The following C8orf34 variants were observed in gnomAD, a reference collection of about 807,000 sequenced individuals.
C8orf34 encodes the protein chromosome 8 open reading frame 34.
C8orf34 carries 65 observed loss-of-function variants against 68.3 expected under a neutral mutation model. The ratio of observed to expected loss-of-function variants is 0.95; its 90% CI spans 0.78 to 1.17. C8orf34 has a LOEUF of 1.17. Among genes scored for constraint, C8orf34 ranks in the 50% most tolerant of loss-of-function variants. The pLI is 0.00. For synonymous variants in C8orf34, 244 were observed against 241.2 expected (o/e 1.01, Z -0.11); for missense variants, 664 against 655.4 (o/e 1.01, Z -0.14).
intron 7 of C8orf34, among the ~76,000 whole-genome samples, chr8:68,539,713 G>A (rs1815627982): frequency 6.6e-6 from 1 of 151,986 alleles, no homozygotes; most frequent in Non-Finnish European, 1.5e-5. Flanking sequence ...AATTAGCCAG[G>A]CATGGTGGCA....
At chr8:68,602,683 C>G (rs771595995) in intron 7 of C8orf34, among the ~76,000 whole-genome samples, 30 of 152,092 alleles carry the variant, frequency 2.0e-4, no homozygotes, top group Non-Finnish European at 4.1e-4. Flanking sequence ...AGCCTTGTCT[C>G]ACACCACCTT....
chr8:68,800,291 T>C (rs1402218701), intron 12 of C8orf34, among the ~76,000 whole-genome samples: 1 of 152,184 alleles, frequency 6.6e-6, no homozygotes, highest in Non-Finnish European at 1.5e-5. Flanking sequence ...AAACTACCTC[T>C]GCACTAGTCC....
chr8:68,764,758 AATAG>A (rs1823121298), intron 10 of C8orf34, among the ~76,000 whole-genome samples: 1 of 152,186 alleles, frequency 6.6e-6, no homozygotes, highest in Non-Finnish European at 1.5e-5. Flanking sequence ...GATGGAGATG[AATAG>A]ATAGTCGGGA....
intron 5 of C8orf34, among the ~76,000 whole-genome samples, chr8:68,505,524 G>A (rs1490907977): frequency 2.1e-5 from 2 of 96,180 alleles, no homozygotes; most frequent in Non-Finnish European, 3.7e-5. Context: ...GAGGTCAGGA[G>A]ATCGAGACCA....
At chr8:68,650,181 T>C (rs985598466) in intron 8 of C8orf34, among the ~76,000 whole-genome samples, 1 of 152,084 alleles carries the variant, frequency 6.6e-6, no homozygotes, top group African/African-American at 2.4e-5. Flanking sequence ...TGAAGCAGCA[T>C]CGTTTGTCTG....
chr8:68,375,753 T>C (rs2129619947), intron 1 of C8orf34, among the ~76,000 whole-genome samples: 1 of 152,340 alleles, frequency 6.6e-6, no homozygotes, highest in Admixed American at 6.5e-5. Context: ...ACTCTAGCAA[T>C]TAGTCAGCAT....
chr8:68,349,596 A>G (rs1245431697), intron 1 of C8orf34, among the ~76,000 whole-genome samples: 2 of 151,854 alleles, frequency 1.3e-5, no homozygotes, highest in Non-Finnish European at 2.9e-5. Flanking sequence ...TTGTGTTTCT[A>G]TCAGGGTCCA....
At chr8:68,808,568 T>TAA (rs981191452) in intron 12 of C8orf34, among the ~76,000 whole-genome samples, 7 of 150,826 alleles carry the variant, frequency 4.6e-5, no homozygotes, top group African/African-American at 1.7e-4. Context: ...TATATATATA[T>TAA]AAAGAAATAA....
At chr8:68,554,486 T>G (rs1300412059) in intron 7 of C8orf34, among the ~76,000 whole-genome samples, 1 of 152,142 alleles carries the variant, frequency 6.6e-6, no homozygotes, top group African/African-American at 2.4e-5. Flanking sequence ...TAAATGACTT[T>G]TTTGTATATG....
chr8:68,637,720 T>C (rs143727778), intron 7 of C8orf34, among the ~76,000 whole-genome samples: 60 of 152,280 alleles, frequency 3.9e-4, no homozygotes, highest in Non-Finnish European at 6.3e-4. Context: ...TAGATTATAA[T>C]AATAGGGTTT....
At chr8:68,442,809 T>C (rs1442478884) in intron 2 of C8orf34, among the ~76,000 whole-genome samples, 2 of 152,190 alleles carry the variant, frequency 1.3e-5, no homozygotes, top group Admixed American at 6.5e-5. Context: ...AATGCATGGT[T>C]TGTCTAAGAA....
intron 7 of C8orf34, among the ~76,000 whole-genome samples, chr8:68,583,972 GTC>G (rs1817137119): frequency 6.6e-6 from 1 of 151,938 alleles, no homozygotes; most frequent in Admixed American, 6.6e-5. Context: ...TTTCAAAAAA[GTC>G]TGGTTATATC....
intron 8 of C8orf34, among the ~76,000 whole-genome samples, chr8:68,684,932 A>G (rs1055125070): frequency 2.0e-5 from 3 of 152,096 alleles, no homozygotes; most frequent in Admixed American, 1.3e-4. Flanking sequence ...ATAAGTGATA[A>G]GAATTTAGAA....
intron 4 of C8orf34, among the ~76,000 whole-genome samples, chr8:68,485,540 C>T (rs537895778): frequency 1.3e-5 from 2 of 151,704 alleles, no homozygotes; most frequent in South Asian, 4.2e-4. Context: ...GGTGAAACCC[C>T]GTCTCTACTA....
intron 8 of C8orf34, among the ~76,000 whole-genome samples, chr8:68,678,577 T>C (rs1208503235): frequency 6.6e-6 from 1 of 152,096 alleles, no homozygotes; most frequent in African/African-American, 2.4e-5. Context: ...TAATTGAATA[T>C]AGAAAGAACA....
At chr8:68,612,315 G>A (rs1818047254) in intron 7 of C8orf34, among the ~76,000 whole-genome samples, 1 of 151,912 alleles carries the variant, frequency 6.6e-6, no homozygotes, top group Non-Finnish European at 1.5e-5. Context: ...TTTGTTTATG[G>A]GCAAGCTGAG....
chr8:68,523,134 G>A (rs907386893), intron 6 of C8orf34, among the ~76,000 whole-genome samples: 12 of 152,164 alleles, frequency 7.9e-5, no homozygotes, highest in Non-Finnish European at 1.5e-4. Flanking sequence ...TGTGTGAGGA[G>A]AGGAAAACCA....
At chr8:68,787,230 T>C (rs1823869194) in intron 11 of C8orf34, among the ~76,000 whole-genome samples, 1 of 152,170 alleles carries the variant, frequency 6.6e-6, no homozygotes. Flanking sequence ...ACTCTAAATG[T>C]TATTAAAAGA....
chr8:68,457,538 T>G (rs1181289844), intron 3 of C8orf34, among the ~76,000 whole-genome samples: 1 of 152,166 alleles, frequency 6.6e-6, no homozygotes, highest in African/African-American at 2.4e-5. Flanking sequence ...AAATGTTATG[T>G]GGAGGAAACA....
Sources: allele counts gnomAD v4.1 joint callset (sites outside exome capture counted in the v4.1 genomes callset), GRCh38; gene constraint gnomAD v4.1.1; transcripts MANE v1.5; gene names NCBI Gene and HGNC (gene_info 2026-07-23, HGNC 2026-07-21).